DDX60: variants seen among roughly 807,000 people sequenced by gnomAD.
The protein encoded by DDX60 is probable ATP-dependent RNA helicase DDX60.
A neutral mutation model predicts 212.8 loss-of-function variants in DDX60; 165 were observed. The ratio of observed to expected loss-of-function variants is 0.78; its 90% CI spans 0.68 to 0.88. The LOEUF (loss-of-function observed/expected upper bound fraction) is 0.88. DDX60 is among the 40% of genes least tolerant of loss of function. The probability of loss-of-function intolerance (pLI) is 0.00; values close to 1 mark genes in which losing one functional copy is unlikely to be tolerated. For synonymous variants in DDX60, 703 were observed against 685.3 expected, an observed-to-expected ratio of 1.03 and a Z score of -0.40; for missense variants, 1,905 against 2,003.9, an observed-to-expected ratio of 0.95 and a Z score of 0.94.
At chr4:168,297,402 A>AAGAAAGACAGAC (rs1560870802) in intron 6 of DDX60, among the ~76,000 whole-genome samples, 1 of 146,998 alleles carries the variant, frequency 6.8e-6, no homozygotes, top group Admixed American at 6.7e-5. Context: ...GAAAGAAAGA[A>AAGAAAGACAGAC]AGACAATAAA....
chr4:168,314,321 T>TCACA (rs10687990), intron 1 of DDX60, among the ~76,000 whole-genome samples: 6,148 of 148,702 alleles, frequency 0.041, 425 homozygotes, highest in African/African-American at 0.14. Context: ...GATTGAACAC[T>TCACA]CACACACACA....
intron 3 of DDX60, among the ~76,000 whole-genome samples, chr4:168,309,845 T>C (rs1478564555): frequency 1.3e-5 from 2 of 152,128 alleles, no homozygotes; most frequent in African/African-American, 2.4e-5. Context: ...TAATATTTAT[T>C]AGTACAAAAC....
At chr4:168,244,438 T>C in intron 30 of DDX60, among the ~76,000 whole-genome samples, 1 of 152,020 alleles carries the variant, frequency 6.6e-6, no homozygotes, top group East Asian at 1.9e-4. Context: ...TAGTAAAGAA[T>C]TTCAGGGGCC....
chr4:168,273,428 C>G (rs1445345502), intron 17 of DDX60, 30 bp from the exon 18 acceptor site: 3 of 1,611,350 alleles, frequency 1.9e-6, no homozygotes, highest in African/African-American at 2.7e-5. Context: ...ATCCATTAGT[C>G]ACATAATAGA....
chr4:168,255,198 T>A (rs7665883), intron 26 of DDX60, among the ~76,000 whole-genome samples: 1 of 152,062 alleles, frequency 6.6e-6, no homozygotes, highest in African/African-American at 2.4e-5. Flanking sequence ...TTGACAGAAT[T>A]AGACATTGAG....
chr4:168,323,560 T>C (rs189194729), upstream of DDX60, among the ~76,000 whole-genome samples: 34 of 152,202 alleles, frequency 2.2e-4, no homozygotes, highest in African/African-American at 7.2e-4. Flanking sequence ...CCCACTGTTA[T>C]ATATTCTGAG....
intron 1 of DDX60, among the ~76,000 whole-genome samples, chr4:168,316,311 C>G (rs557808446): frequency 6.6e-6 from 1 of 152,144 alleles, no homozygotes; most frequent in Non-Finnish European, 1.5e-5. Context: ...CTGTTTACTT[C>G]TTTTTTACTG....
At chr4:168,270,853 T>TC (rs1299359825) in intron 19 of DDX60, among the ~76,000 whole-genome samples, 2 of 146,758 alleles carry the variant, frequency 1.4e-5, no homozygotes, top group African/African-American at 2.6e-5. Flanking sequence ...TAATAAATAT[T>TC]CCCCCTTTTT....
intron 25 of DDX60, 140 bp downstream of exon 25, chr4:168,260,725 C>T (rs1734590847): frequency 2.6e-6 from 2 of 776,392 alleles, no homozygotes; most frequent in Non-Finnish European, 4.2e-6. Context: ...CACCACTCAC[C>T]TCCTGCTCTG....
chr4:168,295,717 T>C (rs1397416523), intron 6 of DDX60, among the ~76,000 whole-genome samples: 1 of 152,212 alleles, frequency 6.6e-6, no homozygotes, highest in Non-Finnish European at 1.5e-5. Flanking sequence ...CCATGTTCAT[T>C]GACACATTGT....
chr4:168,231,335 A>T (rs1254576414), intron 33 of DDX60, among the ~76,000 whole-genome samples: 1 of 152,014 alleles, frequency 6.6e-6, no homozygotes, highest in Non-Finnish European at 1.5e-5. Flanking sequence ...AGAAAGAGGG[A>T]ATCCTCCCTA....
chr4:168,256,021 T>G (rs1734396412), intron 25 of DDX60, 152 bp from the exon 26 acceptor site: 1 of 744,492 alleles, frequency 1.3e-6, no homozygotes, highest in African/African-American at 1.9e-5. Flanking sequence ...CACCAGGTGT[T>G]CTGAATCAGC....
chr4:168,260,798 A>G (rs1734593815), intron 25 of DDX60, 67 bp downstream of exon 25: 1 of 1,395,008 alleles, frequency 7.2e-7, no homozygotes, highest in Non-Finnish European at 1.0e-6. Context: ...GAGGTTGGGG[A>G]CCTCTGCCTT....
In DDX60 at chr4:168,287,173, A is replaced by C; in HGVS notation, c.1214T>G (p.Met405Arg). 6.2e-7 allele frequency: 1 copy of C among 1,609,900 alleles called. No homozygotes were observed. ...GLHLNLGDTI[M>R]KDYEYLWNTV... ...ATTCCAGAGATATTCATAATCTTTC[A>C]TAATGGTATCTCCCAAATTCAAATG... The change falls in exon 10 of 38, where the codon ATG becomes AGG. Residue 405 changes from methionine to arginine, a missense_variant. Physicochemically the swap from Met to Arg is moderately conservative, Grantham distance 91. Transcript: ENST00000393743.
At chr4:168,263,320 G>A (rs573649304) in intron 22 of DDX60, among the ~76,000 whole-genome samples, 8 of 152,274 alleles carry the variant, frequency 5.3e-5, no homozygotes, top group African/African-American at 1.7e-4. Context: ...TCTGCTTTAA[G>A]TCTTCTTAAT....
At chr4:168,286,996 CA>C in intron 10 of DDX60, 51 bp downstream of exon 10, 1 of 1,436,924 alleles carries the variant, frequency 7.0e-7, no homozygotes, top group South Asian at 1.4e-5. Flanking sequence ...GTTTCCTAAA[CA>C]CTTTCAGAGG....
At chr4:168,271,898 C>T (rs1177759825) in intron 19 of DDX60, 145 bp downstream of exon 19, 2 of 649,616 alleles carry the variant, frequency 3.1e-6, no homozygotes, top group Non-Finnish European at 5.3e-6. Context: ...GTGATTTTTC[C>T]TGAAAAATCA....
chr4:168,281,959 T>G (rs760905420), intron 13 of DDX60, among the ~76,000 whole-genome samples: 2 of 152,202 alleles, frequency 1.3e-5, no homozygotes, highest in Admixed American at 6.5e-5. Flanking sequence ...ATACATTGTA[T>G]TATGTAACAA....
At position 168,261,093 on chromosome 4, in the gene DDX60, G is replaced by GTT. The variant is rs140961137; in HGVS notation, c.3274-106_3274-105dup. ...ATAGTTGTCTAATATATGTTTTTGG[G>GTT]TTTTTTTAAAATAGTCCTATGAAAG... On this transcript the variant is annotated intron_variant, in intron 24 of 37. Coordinates refer to ENST00000393743, the MANE Select transcript of DDX60 (RefSeq NM_017631.6). 9 of 1,289,274 alleles carry GTT rather than the reference G, an allele frequency of 7.0e-6. No individual in the cohort carries two copies. In the Admixed American group the frequency reaches 7.7e-5, roughly 11 times the overall value. 79.9% of individuals were successfully genotyped at this position (1,289,274 alleles called of 1,614,324 possible).
Sources: gnomAD v4.1 joint callset for allele counts (sites outside exome capture counted in the v4.1 genomes callset) on GRCh38, gnomAD v4.1.1 for gene constraint, MANE v1.5 for transcripts, NCBI Gene and HGNC (gene_info 2026-07-23, HGNC 2026-07-21) for gene names.